GFRA3: variants seen among roughly 807,000 people sequenced by gnomAD.
GFRA3 encodes GDNF family receptor alpha 3, also known as GDNF family receptor alpha-3.
Under a neutral mutation model 40.0 loss-of-function variants are expected in GFRA3, and 24 were observed. That is an observed-to-expected ratio of 0.60 (90% confidence interval 0.43 to 0.84). GFRA3 has a LOEUF of 0.84. Among genes scored for constraint, GFRA3 ranks in the 40% least tolerant of loss-of-function variants. The pLI, the probability that GFRA3 is intolerant of heterozygous loss-of-function variation, is 0.00. For synonymous variants in GFRA3, 203 were observed against 213.5 expected (o/e 0.95, Z 0.43); for missense variants, 405 against 530.6 (o/e 0.76, Z 2.33).
chr5:138,257,515 C>T lies in GFRA3; in HGVS notation c.785+124G>A, dbSNP rs80288810. ...CACAAAATATCCAAGGTAGCTACTT[C>T]GTGAAGCAGCCAGTGGGTCCACGGT... On this transcript the variant is annotated intron_variant, in intron 4 of 7. Transcript: ENST00000274721. 1,107 of 701,892 alleles carry T rather than the reference C, an allele frequency of 1.6e-3. 18 individuals are homozygous for T. The South Asian group carries it at 0.02, about 13-fold the overall frequency. 43.5% of individuals were successfully genotyped at this position (701,892 alleles called of 1,614,324 possible).
At chr5:138,262,166 C>T (rs1755720009) in intron 2 of GFRA3, among the ~76,000 whole-genome samples, 1 of 152,188 alleles carries the variant, frequency 6.6e-6, no homozygotes, top group African/African-American at 2.4e-5. Context: ...CAACATTTCT[C>T]AGGCAGGAAG....
intron 1 of GFRA3, 45 bp downstream of exon 1, chr5:138,274,289 C>A: frequency 3.0e-6 from 4 of 1,319,294 alleles, no homozygotes; most frequent in African/African-American, 1.5e-5. Flanking sequence ...CACCTCACCT[C>A]CCCCTCCCAC....
In GFRA3 at chr5:138,269,987, A is replaced by T. The variant is rs147523462; in HGVS notation, c.91+4347T>A. ...TAGCAGCACAATTTGCAATTGCAGA[A>T]TCATGGAACCAACCCAAATGCCCAT... On this transcript the variant is annotated intron_variant, in intron 1 of 7. Coordinates refer to ENST00000274721, the MANE Select transcript of GFRA3 (RefSeq NM_001496.4). Among the ~76,000 whole-genome samples the T allele has an allele frequency of 4.6e-5, 7 of 152,256 alleles. No individual in the cohort carries two copies. The East Asian group carries it at 1.3e-3, about 29-fold the overall frequency.
chr5:138,257,797 C>A lies in GFRA3; in HGVS notation c.627G>T (p.Glu209Asp), dbSNP rs946518800. Residue 209 changes from glutamate (E) to aspartate (D), a missense_variant, in exon 4 of 8, where the codon GAG becomes GAT. Glu to Asp is a conservative substitution (Grantham distance 45). Transcript: ENST00000274721. ...ACAGTAGCAGGCCCTGCGCGTGGGG[C>A]TCGGCGGCCTTCTCGAAGAAAGTGA... ...QLLTFFEKAA[E>D]PHAQGLLLCP... The A allele has an allele frequency of 4.3e-6, 7 of 1,612,978 alleles. No homozygotes were observed. The African/African-American group carries it at 6.7e-5, about 15-fold the overall frequency.
intron 1 of GFRA3, among the ~76,000 whole-genome samples, chr5:138,268,835 G>A (rs998729796): frequency 6.7e-6 from 1 of 150,348 alleles, no homozygotes; most frequent in Non-Finnish European, 1.5e-5. Context: ...TGAGGCAGGA[G>A]AATGGTGTGA....
intron 1 of GFRA3, among the ~76,000 whole-genome samples, chr5:138,271,466 G>A (rs1201556319): frequency 2.6e-5 from 4 of 152,136 alleles, no homozygotes; most frequent in Non-Finnish European, 5.9e-5. Context: ...TGTGTTTCCT[G>A]GATTGTGAAA....
chr5:138,257,647 C>T lies in GFRA3; in HGVS notation c.777G>A (p.Pro259=). The T allele has an allele frequency of 1.2e-6, 2 of 1,608,554 alleles. No individual in the cohort carries two copies. Among genetic ancestry groups the T allele is most frequent in the Non-Finnish European group, 1.7e-6 (2 of 1,178,656 alleles). The change falls in exon 4 of 8, where the codon CCG becomes CCA. Residue 259 remains proline, a synonymous_variant. Transcript: ENST00000274721. ...LELRRLCFSD[P]LCRSRLVDFQ... Reference sequence around the variant, plus strand: ...CCTCCCAAACTACACACCTGCAAAGCGGGTCGGAGAAGCAGAGGCGCCGCA... The same window carrying T: ...CCTCCCAAACTACACACCTGCAAAGTGGGTCGGAGAAGCAGAGGCGCCGCA...
chr5:138,272,796 A>G (rs1308422841), intron 1 of GFRA3, among the ~76,000 whole-genome samples: 1 of 152,074 alleles, frequency 6.6e-6, no homozygotes, highest in Non-Finnish European at 1.5e-5. Flanking sequence ...ACCACTTTCT[A>G]TTACTTGCCC....
In GFRA3 at chr5:138,252,960, AAGT is replaced by A; in HGVS notation, c.*5_*7del. On this transcript the variant is annotated 3_prime_UTR_variant, in exon 8 of 8. Transcript: ENST00000274721. ...GGTGGAGGGGAAGAGGGCCCTGGGG[AAGT>A]CCAGCTACCATAGGCTCAGGAGCAG... is the stretch of plus-strand genomic sequence containing the variant. 6.6e-7 allele frequency: 1 copy of A among 1,524,094 alleles called. No homozygotes were observed. Among genetic ancestry groups the A allele is most frequent in the Non-Finnish European group, 9.1e-7 (1 of 1,098,732 alleles). The allele number at this position is 1,524,094 out of a possible 1,614,324, so 94.4% of individuals were successfully genotyped here.
At chr5:138,258,628 T>C (rs1755669607) in intron 3 of GFRA3, among the ~76,000 whole-genome samples, 1 of 152,196 alleles carries the variant, frequency 6.6e-6, no homozygotes, top group African/African-American at 2.4e-5. Flanking sequence ...TGAGATCTGA[T>C]GGTAGAAATG....
chr5:138,265,278 G>A (rs1216531629), intron 1 of GFRA3, among the ~76,000 whole-genome samples: 1 of 134,260 alleles, frequency 7.4e-6, no homozygotes, highest in Admixed American at 9.0e-5. Context: ...GTGCAATGGC[G>A]TGATCTTGGC....
chr5:138,259,631 A>T lies in GFRA3; in HGVS notation c.398T>A (p.Val133Asp). 1 of 1,488,804 alleles carries T rather than the reference A, an allele frequency of 6.7e-7. No individual in the cohort carries two copies. The highest frequency in any genetic ancestry group is 9.4e-7 in the Non-Finnish European group (1 of 1,065,628). 92.2% of individuals were successfully genotyped at this position (1,488,804 alleles called of 1,614,324 possible). The change falls in exon 3 of 8, where the codon GTC (valine) becomes GAC (aspartate). Residue 133 changes from valine to aspartate, a missense_variant. Physicochemically the swap from Val to Asp is radical, Grantham distance 152 (BLOSUM62 -3). Transcript: ENST00000274721. ...ARSLGNYELD[V>D]SPYEDTVTSK... Reference sequence around the variant, plus strand: ...GGTCACTGTGTCTTCATAGGGGGAGACATCCAGCTCATAGTTACCTAGAGA... The same window carrying T: ...GGTCACTGTGTCTTCATAGGGGGAGTCATCCAGCTCATAGTTACCTAGAGA...
At chr5:138,269,433 G>A (rs1421336116) in intron 1 of GFRA3, among the ~76,000 whole-genome samples, 1 of 151,986 alleles carries the variant, frequency 6.6e-6, no homozygotes, top group Non-Finnish European at 1.5e-5. Flanking sequence ...CTACTCGAGA[G>A]GCTGAGGCTG....
At chr5:138,271,913 T>TGTG (rs1554111239) in intron 1 of GFRA3, among the ~76,000 whole-genome samples, 65 of 54,330 alleles carry the variant, frequency 1.2e-3, no homozygotes, top group Admixed American at 1.5e-3. Context: ...TTTTTTTTTT[T>TGTG]TGTGTGTGTG....
At chr5:138,274,299 C>G in intron 1 of GFRA3, 35 bp downstream of exon 1, 1 of 1,319,924 alleles carries the variant, frequency 7.6e-7, no homozygotes, top group Non-Finnish European at 9.7e-7. Flanking sequence ...CCCCCTCCCA[C>G]TGTACCCCCG....
At chr5:138,274,005 C>T (rs1755912951) in intron 1 of GFRA3, among the ~76,000 whole-genome samples, 1 of 152,166 alleles carries the variant, frequency 6.6e-6, no homozygotes, top group South Asian at 2.1e-4. Flanking sequence ...CTCTTAGAGA[C>T]GCTGTCTTGG....
intron 7 of GFRA3, 65 bp downstream of exon 7, chr5:138,253,222 C>T (rs1390056384): frequency 1.8e-6 from 2 of 1,100,316 alleles, no homozygotes; most frequent in Non-Finnish European, 2.7e-6. Context: ...CCTTTGTCTG[C>T]CTAGTTTGGG....
rs1218960350 is a variant in GFRA3, at chr5:138,264,509, C to T, written c.131G>A (p.Cys44Tyr). Residue 44 changes from cysteine (C) to tyrosine (Y), a missense_variant, in exon 2 of 8, where the codon TGT becomes TAT. Coordinates refer to ENST00000274721, the MANE Select transcript of GFRA3 (RefSeq NM_001496.4). ...CTGGCACTTCCTCCTGGCCTGGAGA[C>T]AGCTGTTCATGAGTCGGCTTTCTGT... Reference protein sequence around the residue: ...LPTESRLMNSCLQARRKCQAD... With the variant: ...LPTESRLMNSYLQARRKCQAD... The T allele has an allele frequency of 6.2e-7, 1 of 1,612,086 alleles. No individual in the cohort carries two copies. The highest frequency in any genetic ancestry group is 2.2e-5 in the East Asian group (1 of 44,864).
In GFRA3 at chr5:138,274,357, G is replaced by GGCGGCA; in HGVS notation, c.62_67dup (p.Leu21_Pro22dup). On this transcript the variant is annotated inframe_insertion, in exon 1 of 8. Transcript: ENST00000274721. ...ACCGGCTGCGAGAGGCAGCGGCGAC[G>GGCGGCA]GCGGCAGCAGCAGCAGCAACATCAG... 1.5e-6 allele frequency: 2 copies of GGCGGCA among 1,336,860 alleles called. No homozygotes were observed. The highest frequency in any genetic ancestry group is 1.9e-6 in the Non-Finnish European group (2 of 1,039,452). The allele number at this position is 1,336,860 out of a possible 1,614,324, so 82.8% of individuals were successfully genotyped here.
Sources: allele counts gnomAD v4.1 joint callset (sites outside exome capture counted in the v4.1 genomes callset), GRCh38; gene constraint gnomAD v4.1.1; transcripts MANE v1.5; gene names NCBI Gene and HGNC (gene_info 2026-07-23, HGNC 2026-07-21).